The following BCR variants were observed in gnomAD, a reference collection of about 807,000 sequenced individuals.
BCR encodes breakpoint cluster region protein.
In BCR, 58 loss-of-function variants were observed where a neutral mutation model predicts 138.6. That is an observed-to-expected ratio of 0.42 (90% CI 0.34 to 0.52). BCR has a LOEUF of 0.52. Among genes scored for constraint, BCR ranks in the 20% least tolerant of loss-of-function variants. The pLI is 0.06. For synonymous variants in BCR, 786 were observed against 730.1 expected, an observed-to-expected ratio of 1.08 and a Z score of -1.23; for missense variants, 1,599 against 1,727.2, an observed-to-expected ratio of 0.93 and a Z score of 1.32.
At position 23,180,858 on chromosome 22, in the gene BCR, A is replaced by G. The variant is rs908285863; in HGVS notation, c.-103A>G. ...CGCCGCCGCCGCCGCCGCGCGGGCC[A>G]TGGGGGCCGCCCGGCGCCCGGGGCC... On this transcript the variant is annotated 5_prime_UTR_variant, in exon 1 of 23. The change abolishes an upstream ATG in the 5' untranslated region. Coordinates refer to ENST00000305877, the MANE Select transcript of BCR (RefSeq NM_004327.4). 2.1e-4 allele frequency: 147 copies of G among 710,454 alleles called. No homozygotes were observed. Among genetic ancestry groups the G allele is most frequent in the Middle Eastern group, 7.3e-4 (1 of 1,378 alleles). 44.0% of individuals were successfully genotyped at this position (710,454 alleles called of 1,614,324 possible). A position where few individuals can be genotyped will look rare whatever the true frequency, so the allele number is the denominator to read the frequency against.
chr22:23,225,077 C>T (rs1262047998), intron 1 of BCR, among the ~76,000 whole-genome samples: 1 of 151,712 alleles, frequency 6.6e-6, no homozygotes, highest in Non-Finnish European at 1.5e-5. Flanking sequence ...CCAAGCCTGC[C>T]TGGAGCAGGA....
Position 23,313,906 on chromosome 22 carries a change from A to C in BCR, c.3458-62A>C, listed in dbSNP as rs1458277263. On this transcript the variant is annotated intron_variant, in intron 20 of 22. Coordinates refer to ENST00000305877, the MANE Select transcript of BCR (RefSeq NM_004327.4). ...CACAAGCCCCAGGTGCTCCATGTGA[A>C]CACCTCGGGAGAGGTCTCTGGCTCG... 38 of 1,345,780 alleles carry C rather than the reference A, an allele frequency of 2.8e-5. No homozygotes were observed. In the East Asian group the frequency reaches 5.7e-4, roughly 20 times the overall value. 83.4% of individuals were successfully genotyped at this position (1,345,780 alleles called of 1,614,324 possible).
At chr22:23,187,728 C>A (rs1333739762) in intron 1 of BCR, among the ~76,000 whole-genome samples, 1 of 152,082 alleles carries the variant, frequency 6.6e-6, no homozygotes, top group Non-Finnish European at 1.5e-5. Context: ...GCATAATGAT[C>A]AGATTGAAGT....
At chr22:23,306,530 G>C (rs2073955631) in intron 16 of BCR, among the ~76,000 whole-genome samples, 1 of 152,258 alleles carries the variant, frequency 6.6e-6, no homozygotes, top group Non-Finnish European at 1.5e-5. Context: ...CTAGCCACTT[G>C]AGAAGGAAGC....
At position 23,290,321 on chromosome 22, in the gene BCR, CT is replaced by C; in HGVS notation, c.2708-15del. 1 of 1,612,336 alleles carries C rather than the reference CT, an allele frequency of 6.2e-7. No individual in the cohort carries two copies. On this transcript the variant is annotated splice_polypyrimidine_tract_variant and intron_variant, in intron 13 of 22. Transcript: ENST00000305877. ...TTCCCGGGACAACAGAAGCTGACCT[CT>C]TTGATCTCTTGCGCAGATGATGAGT...
Position 23,288,190 on chromosome 22 carries a change from TGA to T in BCR, c.2602+22_2602+23del, listed in dbSNP as rs2073739963. On this transcript the variant is annotated intron_variant, in intron 12 of 22. Coordinates refer to ENST00000305877, the MANE Select transcript of BCR (RefSeq NM_004327.4). ...GAAGAAGTGTGAGTATCCTCTGTCCTGAGAGGGGCTGGGCTTCAAACCATTAG... is the reference window on the plus strand; with the variant it reads ...GAAGAAGTGTGAGTATCCTCTGTCCTGAGGGGCTGGGCTTCAAACCATTAG... 4 of 1,609,884 alleles carry T rather than the reference TGA, an allele frequency of 2.5e-6. No individual in the cohort carries two copies. The highest frequency in any genetic ancestry group is 3.4e-6 in the Non-Finnish European group (4 of 1,176,136).
chr22:23,252,766 T>A (rs1235755482), intron 1 of BCR, among the ~76,000 whole-genome samples: 1 of 152,066 alleles, frequency 6.6e-6, no homozygotes, highest in Non-Finnish European at 1.5e-5. Context: ...AACCCCCCTG[T>A]ATGGGGGAGA....
intron 8 of BCR, among the ~76,000 whole-genome samples, chr22:23,277,239 C>T (rs571108262): frequency 3.9e-5 from 6 of 152,186 alleles, no homozygotes; most frequent in Non-Finnish European, 7.3e-5. Context: ...TCTGTGGGGT[C>T]AGAGGTGATC....
chr22:23,281,437 A>C (rs2073643719), intron 8 of BCR, among the ~76,000 whole-genome samples: 1 of 152,236 alleles, frequency 6.6e-6, no homozygotes, highest in Non-Finnish European at 1.5e-5. Context: ...TCTCAAGGCC[A>C]ACTGTCCTGT....
intron 3 of BCR, 106 bp from the exon 4 acceptor site, chr22:23,261,249 A>G (rs1451192045): frequency 7.4e-7 from 1 of 1,351,520 alleles, no homozygotes; most frequent in African/African-American, 1.5e-5. Flanking sequence ...TGATTTAAAA[A>G]TAAAAGTGCA....
chr22:23,220,077 C>A (rs2072805690), intron 1 of BCR, among the ~76,000 whole-genome samples: 1 of 152,216 alleles, frequency 6.6e-6, no homozygotes, highest in South Asian at 2.1e-4. Context: ...CTGCCACCTG[C>A]CCTTTGAGGC....
At chr22:23,221,776 G>A (rs2072827320) in intron 1 of BCR, among the ~76,000 whole-genome samples, 1 of 152,134 alleles carries the variant, frequency 6.6e-6, no homozygotes, top group African/African-American at 2.4e-5. Flanking sequence ...CTTTCGGGAG[G>A]GTGGGGTTGT....
In BCR at chr22:23,314,703, G is replaced by T. The variant is rs1307904170; in HGVS notation, c.3715G>T (p.Val1239Phe). 1 of 1,611,784 alleles carries T rather than the reference G, an allele frequency of 6.2e-7. No individual in the cohort carries two copies. The highest frequency in any genetic ancestry group is 8.5e-7 in the Non-Finnish European group (1 of 1,179,864). Residue 1239 changes from valine (V) to phenylalanine (F), a missense_variant, in exon 22 of 23, where the codon GTC becomes TTC. By Grantham distance (50) the Val-to-Phe change is conservative. Around this residue, in one of 4 missense-constraint regions of BCR, gnomAD observed 177 missense variants for 226.4 expected, o/e 0.78. Transcript: ENST00000305877. ...CATGACTGACAGCTGGTCCTTGGAG[G>T]TCATGTCCCAGGTATGGGAAGACAG... ...ITMTDSWSLE[V>F]MSQVQVLLYF... is the part of the protein sequence containing the mutation.
intron 8 of BCR, among the ~76,000 whole-genome samples, chr22:23,281,267 C>G (rs115338368): frequency 0.034 from 5,174 of 152,352 alleles, 131 homozygotes; most frequent in African/African-American, 0.057. Flanking sequence ...CCAGCTGGGA[C>G]TGTTTGCCCT....
At chr22:23,212,641 T>A (rs2072699365) in intron 1 of BCR, among the ~76,000 whole-genome samples, 1 of 152,220 alleles carries the variant, frequency 6.6e-6, no homozygotes, top group Non-Finnish European at 1.5e-5. Context: ...AGGGGCCTTT[T>A]GGAATGAGCA....
chr22:23,273,484 A>G lies in BCR; in HGVS notation c.1975-150A>G. On this transcript the variant is annotated intron_variant, in intron 7 of 22. Transcript: ENST00000305877. Reference sequence around the variant, plus strand: ...GATGGTGCTCACACAAGCTCTGTCCACAAAGCTGGGGCCCAAGTGAGAGAG... The same window carrying G: ...GATGGTGCTCACACAAGCTCTGTCCGCAAAGCTGGGGCCCAAGTGAGAGAG... 3.6e-6 allele frequency: 4 copies of G among 1,107,292 alleles called. 1 individual carries two copies. The Middle Eastern group carries it at 8.6e-4, about 239-fold the overall frequency. 68.6% of individuals were successfully genotyped at this position (1,107,292 alleles called of 1,614,324 possible). A position where few individuals can be genotyped will look rare whatever the true frequency, so the allele number is the denominator to read the frequency against.
At chr22:23,207,312 A>C (rs916235701) in intron 1 of BCR, among the ~76,000 whole-genome samples, 8 of 152,162 alleles carry the variant, frequency 5.3e-5, no homozygotes, top group Non-Finnish European at 1.0e-4. Context: ...GGAAGACATT[A>C]AGGAGAGGAT....
In BCR at chr22:23,250,099, C is replaced by T. The variant is rs113612803; in HGVS notation, c.1280-3700C>T. Among the ~76,000 whole-genome samples the T allele has an allele frequency of 5.4e-3, 825 of 152,312 alleles. 10 individuals carry two copies. Among genetic ancestry groups the T allele is most frequent in the African/African-American group, 0.019 (780 of 41,574 alleles). On this transcript the variant is annotated intron_variant, in intron 1 of 22. Transcript: ENST00000305877. ...TTCTTGCACCAGGTTTTAGCGTGGA[C>T]GTTGCTAAGCCAGCATGTGGCTTCG... is the stretch of plus-strand genomic sequence containing the variant.
rs1184377666 is a variant in BCR at position 23,311,836 on chromosome 22, A to G, written c.3322A>G (p.Asn1108Asp). 1 of 1,611,714 alleles carries G rather than the reference A, an allele frequency of 6.2e-7. No homozygotes were observed. The highest frequency in any genetic ancestry group is 1.7e-5 in the Admixed American group (1 of 60,022). Reference sequence around the variant, plus strand: ...GGCACTGAAGGCAGCCTTCGACGTCAGTGAGTGTTGGCCTGCGCAGGACGG... The same window carrying G: ...GGCACTGAAGGCAGCCTTCGACGTCGGTGAGTGTTGGCCTGCGCAGGACGG... The part of the protein sequence containing the change: ...IQALKAAFDV[N>D]NKDVSVMMSE... The change falls in exon 19 of 23, where the codon AAT becomes GAT. Residue 1108 changes from asparagine to aspartate, a missense_variant and splice_region_variant. By Grantham distance (23) the Asn-to-Asp change is conservative. Around this residue, in one of 4 missense-constraint regions of BCR, gnomAD observed 177 missense variants for 226.4 expected, o/e 0.78. Coordinates refer to ENST00000305877, the MANE Select transcript of BCR (RefSeq NM_004327.4).
Sources: allele counts gnomAD v4.1 joint callset (sites outside exome capture counted in the v4.1 genomes callset), GRCh38; gene constraint gnomAD v4.1.1; regional missense constraint gnomAD v4.1.1; transcripts MANE v1.5; gene names NCBI Gene and HGNC (gene_info 2026-07-23, HGNC 2026-07-21).